Variants in PDE1C observed in about 807,000 individuals in gnomAD.
PDE1C encodes phosphodiesterase 1C, also known as dual specificity calcium/calmodulin-dependent 3',5'-cyclic nucleotide phosphodiesterase 1C.
Under a neutral mutation model 93.1 loss-of-function variants are expected in PDE1C, and 62 were observed. The observed-to-expected ratio is 0.67, with a 90% CI of 0.54 to 0.82. The LOEUF is 0.82. Ranked by LOEUF, PDE1C falls within the 40% of genes least tolerant of loss-of-function variation. The pLI, the probability that PDE1C is intolerant of heterozygous loss-of-function variation, is 0.00. For synonymous variants in PDE1C, 325 were observed against 310.1 expected (o/e 1.05, Z -0.50); for missense variants, 742 against 884.6 (o/e 0.84, Z 2.04).
In PDE1C at chr7:31,960,224, C is replaced by T. The variant is rs115414669; in HGVS notation, c.129-79364G>A. 5.9e-3 allele frequency among the ~76,000 whole-genome samples: 901 copies of T among 152,214 alleles called. 3 individuals are homozygous for T. Among genetic ancestry groups the T allele is most frequent in the African/African-American group, 0.021 (873 of 41,536 alleles). On this transcript the variant is annotated intron_variant, in intron 2 of 17. Coordinates refer to ENST00000396191, the MANE Select transcript of PDE1C (RefSeq NM_001191057.4). ...GACTTTACAATGAAGAAAACTGAAG[C>T]GCACTATTTTAACCCAGTGATCAAA...
rs899374504 is a variant in PDE1C, at chr7:32,043,158, G to A, written c.128+8396C>T. On this transcript the variant is annotated intron_variant, in intron 2 of 17. Transcript: ENST00000396191. ...CAAACATCCTACAATGCACAGGACA[G>A]CCCCTACAGCAAAAGCATCAATAGT... 5.9e-5 allele frequency among the ~76,000 whole-genome samples: 9 copies of A among 152,260 alleles called. No homozygotes were observed. In the South Asian group the frequency reaches 8.3e-4, roughly 14 times the overall value.
the PDE1C span, among the ~76,000 whole-genome samples, chr7:31,623,628 AC>A: frequency 7.9e-6 from 1 of 126,826 alleles, no homozygotes; most frequent in South Asian, 2.9e-4. Flanking sequence ...GCTATCTATG[AC>A]AAACCCACAG....
intron 1 of PDE1C, among the ~76,000 whole-genome samples, chr7:32,357,680 T>C (rs374916004): frequency 6.6e-6 from 1 of 152,188 alleles, no homozygotes; most frequent in East Asian, 1.9e-4. Context: ...TTTCCCTACC[T>C]GGAGATGATT....
the PDE1C span, chr7:31,643,597 G>T: frequency 6.2e-7 from 1 of 1,613,930 alleles, no homozygotes; most frequent in Admixed American, 1.7e-5. Flanking sequence ...GTGTGATCCT[G>T]TTACCGCAAC....
intron 1 of PDE1C, among the ~76,000 whole-genome samples, chr7:32,260,211 A>C (rs1403000349): frequency 6.6e-6 from 1 of 152,250 alleles, no homozygotes; most frequent in Non-Finnish European, 1.5e-5. Context: ...GAGGCAATGA[A>C]GTGAAGAGCA....
At chr7:32,206,909 C>T (rs1277098275) in intron 2 of PDE1C, among the ~76,000 whole-genome samples, 2 of 151,944 alleles carry the variant, frequency 1.3e-5, no homozygotes, top group Non-Finnish European at 2.9e-5. Context: ...TGTCATTCTC[C>T]CAGCATTTGT....
intron 1 of PDE1C, among the ~76,000 whole-genome samples, chr7:32,350,590 A>AT (rs1202256808): frequency 9.5e-4 from 3 of 3,144 alleles, no homozygotes; most frequent in African/African-American, 1.1e-3. Context: ...ATATATATAT[A>AT]TTTTTTTTTT....
intron 3 of PDE1C, among the ~76,000 whole-genome samples, chr7:32,084,098 A>G (rs1796895758): frequency 6.6e-6 from 1 of 152,190 alleles, no homozygotes; most frequent in African/African-American, 2.4e-5. Flanking sequence ...TGCTGTATTC[A>G]GGAAACCCAT....
chr7:31,782,348 A>G (rs1487187293), intron 16 of PDE1C, among the ~76,000 whole-genome samples: 1 of 152,230 alleles, frequency 6.6e-6, no homozygotes, highest in Non-Finnish European at 1.5e-5. Context: ...AGTATCTACA[A>G]TGATTAATTG....
intron 2 of PDE1C, among the ~76,000 whole-genome samples, chr7:32,026,592 C>G (rs966184027): frequency 6.6e-6 from 1 of 152,104 alleles, no homozygotes; most frequent in South Asian, 2.1e-4. Context: ...CAAAATGGTA[C>G]AGCCACTTTA....
chr7:31,849,132 T>C (rs959908827), intron 8 of PDE1C, among the ~76,000 whole-genome samples: 6 of 152,184 alleles, frequency 3.9e-5, no homozygotes, highest in Non-Finnish European at 7.4e-5. Flanking sequence ...AGGTGAAAGA[T>C]CTGCTGTTAC....
At chr7:32,420,158 CATATATATGTGTATAT>C (rs1208704113) in intron 1 of PDE1C, among the ~76,000 whole-genome samples, 1 of 40,160 alleles carries the variant, frequency 2.5e-5, no homozygotes, top group African/African-American at 8.6e-5. Context: ...CACACACACA[CATATATATGTGTATAT>C]ATATACACAT....
the PDE1C span, among the ~76,000 whole-genome samples, chr7:31,727,859 T>C: frequency 6.6e-6 from 1 of 151,992 alleles, no homozygotes; most frequent in Admixed American, 6.6e-5. Context: ...CTGGATAACA[T>C]AGTGAAACCT....
the PDE1C span, among the ~76,000 whole-genome samples, chr7:31,734,736 CG>C: frequency 6.6e-6 from 1 of 152,002 alleles, no homozygotes; most frequent in Non-Finnish European, 1.5e-5. Context: ...TGTGAGGCCC[CG>C]GGGCACATAT....
At chr7:31,712,802 AAG>A in the PDE1C span, among the ~76,000 whole-genome samples, 6 of 152,176 alleles carry the variant, frequency 3.9e-5, no homozygotes, top group African/African-American at 9.7e-5. Flanking sequence ...GCAGCAGGCA[AAG>A]AGAGAGAGTT....
intron 2 of PDE1C, among the ~76,000 whole-genome samples, chr7:31,927,731 C>T (rs1032504625): frequency 1.3e-5 from 2 of 152,094 alleles, no homozygotes; most frequent in South Asian, 4.1e-4. Context: ...AAACAGAAAG[C>T]AATAACATCA....
chr7:31,805,000 A>G (rs1471640191), intron 16 of PDE1C, among the ~76,000 whole-genome samples: 2 of 151,672 alleles, frequency 1.3e-5, no homozygotes, highest in Non-Finnish European at 2.9e-5. Context: ...CGGGGAGGTA[A>G]TTGCATTATG....
chr7:32,369,583 T>C (rs1182319766), intron 1 of PDE1C, among the ~76,000 whole-genome samples: 2 of 152,170 alleles, frequency 1.3e-5, no homozygotes, highest in Non-Finnish European at 2.9e-5. Flanking sequence ...GTATGGAGGC[T>C]CCTTTAAAAA....
chr7:31,623,972 C>A, the PDE1C span, among the ~76,000 whole-genome samples: 1 of 148,998 alleles, frequency 6.7e-6, no homozygotes, highest in South Asian at 2.2e-4. Context: ...TCTTATACAC[C>A]AATAACAGAC....
Sources: gnomAD v4.1 joint callset for allele counts (sites outside exome capture counted in the v4.1 genomes callset) on GRCh38, gnomAD v4.1.1 for gene constraint, MANE v1.5 for transcripts, NCBI Gene and HGNC (gene_info 2026-07-23, HGNC 2026-07-21) for gene names.